The following COG5 variants were observed in gnomAD, a reference collection of about 807,000 sequenced individuals.
The protein encoded by COG5 is conserved oligomeric Golgi complex subunit 5.
A neutral mutation model predicts 110.4 loss-of-function variants in COG5; 86 were observed. The observed-to-expected ratio is 0.78, with a 90% CI of 0.65 to 0.93. COG5 has a LOEUF of 0.93. Ranked by LOEUF, COG5 falls within the 40% of genes least tolerant of loss-of-function variation. The pLI, the probability that COG5 is intolerant of heterozygous loss-of-function variation, is 0.00. For missense variants in COG5, 1,077 were observed against 987.0 expected (o/e 1.09, Z -1.22); for synonymous variants, 360 against 334.6 (o/e 1.08, Z -0.83).
intron 6 of COG5, among the ~76,000 whole-genome samples, chr7:107,516,106 AAACT>A (rs1461527632): frequency 6.6e-6 from 1 of 152,248 alleles, no homozygotes; most frequent in Non-Finnish European, 1.5e-5. Flanking sequence ...TTTATTTTTT[AAACT>A]ATTACATAAT....
chr7:107,220,810 GCCTT>G (rs1799861744), intron 19 of COG5, among the ~76,000 whole-genome samples: 1 of 149,556 alleles, frequency 6.7e-6, no homozygotes, highest in African/African-American at 2.5e-5. Flanking sequence ...CGGGACTCAT[GCCTT>G]CTTTTTTTTT....
intron 7 of COG5, among the ~76,000 whole-genome samples, chr7:107,385,036 A>G (rs1007721134): frequency 6.6e-6 from 1 of 152,244 alleles, no homozygotes; most frequent in African/African-American, 2.4e-5. Flanking sequence ...ATCTTTGCAC[A>G]TGTAATTAGT....
At position 107,360,994 on chromosome 7, in the gene COG5, C is replaced by A. The variant is rs137884372; in HGVS notation, c.1026+1039G>T. On this transcript the variant is annotated intron_variant, in intron 10 of 21. Transcript: ENST00000297135. ...GGATCCTGTGACGCTGGGTCCTATC[C>A]ATCCTCCTAATAAATCATCAAACTT... Among the ~76,000 whole-genome samples, 192 of 152,310 alleles carry A rather than the reference C, an allele frequency of 1.3e-3. 4 individuals carry two copies. The East Asian group carries it at 0.025, about 20-fold the overall frequency.
intron 5 of COG5, among the ~76,000 whole-genome samples, chr7:107,542,962 A>G (rs1256520389): frequency 7.4e-6 from 1 of 135,974 alleles, no homozygotes; most frequent in East Asian, 2.2e-4. Context: ...ACAGAGCACA[A>G]CTCTGTCTCA....
chr7:107,262,003 G>A (rs1038320393), intron 14 of COG5, among the ~76,000 whole-genome samples: 3 of 151,368 alleles, frequency 2.0e-5, no homozygotes, highest in Admixed American at 1.3e-4. Flanking sequence ...TGATTCTTGT[G>A]CCTCAGCCTC....
chr7:107,439,519 TA>T (rs1563035760), intron 6 of COG5, among the ~76,000 whole-genome samples: 3 of 152,212 alleles, frequency 2.0e-5, no homozygotes, highest in South Asian at 2.1e-4. Flanking sequence ...ATTACATTTA[TA>T]ACTTTATATG....
intron 11 of COG5, among the ~76,000 whole-genome samples, chr7:107,320,029 T>G (rs964418924): frequency 1.3e-5 from 2 of 151,736 alleles, no homozygotes; most frequent in African/African-American, 4.8e-5. Context: ...TAGAAAAGAG[T>G]GAACACTCTG....
chr7:107,437,377 C>CA (rs1418255272), intron 6 of COG5, among the ~76,000 whole-genome samples: 9 of 152,122 alleles, frequency 5.9e-5, no homozygotes, highest in African/African-American at 2.2e-4. Flanking sequence ...AACAACAAGC[C>CA]AAAACCTGAG....
At chr7:107,416,852 T>C (rs2129070554) in intron 6 of COG5, among the ~76,000 whole-genome samples, 2 of 152,318 alleles carry the variant, frequency 1.3e-5, no homozygotes, top group Middle Eastern at 6.8e-3. Context: ...GATTATTAAC[T>C]GGTAACTGGA....
At chr7:107,530,400 G>A (rs540535187) in intron 5 of COG5, among the ~76,000 whole-genome samples, 1 of 152,174 alleles carries the variant, frequency 6.6e-6, no homozygotes, top group South Asian at 2.1e-4. Context: ...TCGAGAGTTC[G>A]AGACCAGCCT....
chr7:107,242,072 G>A (rs550446677), intron 17 of COG5, among the ~76,000 whole-genome samples: 1 of 152,312 alleles, frequency 6.6e-6, no homozygotes, highest in South Asian at 2.1e-4. Context: ...ATAAGCCACT[G>A]TGCCCAGCCT....
At chr7:107,241,393 CAT>C (rs150123583) in intron 17 of COG5, among the ~76,000 whole-genome samples, 20 of 145,662 alleles carry the variant, frequency 1.4e-4, no homozygotes, top group Admixed American at 2.7e-4. Context: ...TTCTGTGCTT[CAT>C]ATATATATAT....
chr7:107,480,509 G>A (rs1797277632), intron 6 of COG5, among the ~76,000 whole-genome samples: 1 of 151,962 alleles, frequency 6.6e-6, no homozygotes, highest in South Asian at 2.1e-4. Flanking sequence ...GAGAAAGTAA[G>A]GAGATAAAAG....
rs140583382 is a variant in COG5 at position 107,418,737 on chromosome 7, G to A, written c.539-6105C>T. 3.0e-3 allele frequency among the ~76,000 whole-genome samples: 460 copies of A among 151,400 alleles called. 5 individuals carry two copies. The highest frequency in any genetic ancestry group is 0.01 in the African/African-American group (432 of 41,160). On this transcript the variant is annotated intron_variant, in intron 6 of 21. Transcript: ENST00000297135. The stretch of plus-strand genomic sequence containing the variant: ...TGATTTTCAGTTCATTATTCTGGAT[G>A]CAAATAGTGTTTTATTTTTATTTAT...
rs932810278 is a variant in COG5, at chr7:107,514,782, GAATAAGTAAATGAATTTTTCCA to G, written c.538+12433_538+12454del. On this transcript the variant is annotated intron_variant, in intron 6 of 21. Coordinates refer to ENST00000297135, the MANE Select transcript of COG5 (RefSeq NM_006348.5). ...AGTAGATATTCAATAAACAATGGCT[GAATAAGTAAATGAATTTTTCCA>G]AGTTTTATGATAAAAGAATGACCAA... Among the ~76,000 whole-genome samples, 89 of 152,258 alleles carry G rather than the reference GAATAAGTAAATGAATTTTTCCA, an allele frequency of 5.8e-4. 1 individual carries two copies. The Middle Eastern group carries it at 0.017, about 29-fold the overall frequency.
intron 6 of COG5, among the ~76,000 whole-genome samples, chr7:107,459,056 C>T (rs1167428971): frequency 1.3e-5 from 2 of 151,708 alleles, no homozygotes; most frequent in Non-Finnish European, 2.9e-5. Flanking sequence ...ACAAGGAATA[C>T]ATGGAACAAA....
chr7:107,524,926 G>GT (rs1169358341), intron 6 of COG5, among the ~76,000 whole-genome samples: 1 of 151,744 alleles, frequency 6.6e-6, no homozygotes, highest in Non-Finnish European at 1.5e-5. Context: ...TTTTTGTGGG[G>GT]TTTTTTGTTT....
chr7:107,439,936 C>T (rs918809406), intron 6 of COG5, among the ~76,000 whole-genome samples: 2 of 152,158 alleles, frequency 1.3e-5, no homozygotes, highest in Non-Finnish European at 2.9e-5. Flanking sequence ...AGGAGCTGAG[C>T]CTCTTGGATC....
At chr7:107,452,792 T>C (rs1368102371) in intron 6 of COG5, among the ~76,000 whole-genome samples, 1 of 152,190 alleles carries the variant, frequency 6.6e-6, no homozygotes, top group East Asian at 1.9e-4. Flanking sequence ...GTATTCCCCA[T>C]CTTTAATTTC....
Sources: allele counts gnomAD v4.1 joint callset (sites outside exome capture counted in the v4.1 genomes callset), GRCh38; gene constraint gnomAD v4.1.1; transcripts MANE v1.5; gene names NCBI Gene and HGNC (gene_info 2026-07-23, HGNC 2026-07-21).